Variants in NXPH1 observed in about 807,000 individuals in gnomAD.
NXPH1 encodes the protein neurexophilin-1.
Under a neutral mutation model 23.7 loss-of-function variants are expected in NXPH1, and 5 were observed. The observed-to-expected ratio is 0.21, with a 90% confidence interval of 0.11 to 0.44. NXPH1 has a LOEUF of 0.44. Among genes scored for constraint, NXPH1 ranks in the 20% least tolerant of loss-of-function variants. The pLI is 0.99. For missense variants in NXPH1, 324 were observed against 321.6 expected, an observed-to-expected ratio of 1.01 and a Z score of -0.06; for synonymous variants, 144 against 122.2, an observed-to-expected ratio of 1.18 and a Z score of -1.18.
At chr7:8,733,354 T>C (rs1006638061) in intron 2 of NXPH1, among the ~76,000 whole-genome samples, 1 of 152,208 alleles carries the variant, frequency 6.6e-6, no homozygotes. Context: ...TGTATGTGTC[T>C]TTATAGTAGG....
chr7:8,550,920 C>A (rs1189600999), intron 2 of NXPH1, among the ~76,000 whole-genome samples: 4 of 151,434 alleles, frequency 2.6e-5, no homozygotes, highest in African/African-American at 9.7e-5. Flanking sequence ...CAGATGTTTT[C>A]AATTTTGAAC....
intron 2 of NXPH1, among the ~76,000 whole-genome samples, chr7:8,669,485 C>T (rs888765288): frequency 1.3e-5 from 2 of 152,292 alleles, no homozygotes; most frequent in South Asian, 2.1e-4. Context: ...AGGAACTCAA[C>T]TGGTTTTGGC....
chr7:8,625,720 G>C lies in NXPH1; in HGVS notation c.55-125288G>C, dbSNP rs557092172. Among the ~76,000 whole-genome samples the C allele has an allele frequency of 3.5e-4, 53 of 152,148 alleles. 1 individual carries two copies. Among genetic ancestry groups the C allele is most frequent in the African/African-American group, 1.3e-3 (52 of 41,522 alleles). On this transcript the variant is annotated intron_variant, in intron 2 of 2. Coordinates refer to ENST00000405863, the MANE Select transcript of NXPH1 (RefSeq NM_152745.3). The stretch of plus-strand genomic sequence containing the variant: ...ACCAGTTTTCTTAACAAAGCTTTCA[G>C]ATCTTTGTTATCACACAAAGAGATA...
intron 2 of NXPH1, among the ~76,000 whole-genome samples, chr7:8,633,074 A>G (rs570582993): frequency 6.6e-6 from 1 of 152,242 alleles, no homozygotes; most frequent in African/African-American, 2.4e-5. Context: ...GTGCTTCTAC[A>G]TGCAACCAAA....
At chr7:8,516,516 AGATATCACCTGGTGCTCAAG>A (rs1345376959) in intron 2 of NXPH1, among the ~76,000 whole-genome samples, 1 of 152,196 alleles carries the variant, frequency 6.6e-6, no homozygotes, top group African/African-American at 2.4e-5. Context: ...GAAAGTCTTC[AGATATCACCTGGTGCTCAAG>A]GATATCTTGA....
At chr7:8,739,237 C>G (rs1440357642) in intron 2 of NXPH1, among the ~76,000 whole-genome samples, 1 of 147,484 alleles carries the variant, frequency 6.8e-6, no homozygotes, top group Admixed American at 6.8e-5. Flanking sequence ...GCCCAAATGG[C>G]CACCCAGTTC....
chr7:8,480,917 A>AT (rs1010144877), intron 2 of NXPH1, among the ~76,000 whole-genome samples: 1 of 152,122 alleles, frequency 6.6e-6, no homozygotes, highest in Non-Finnish European at 1.5e-5. Flanking sequence ...TAAAGGTATT[A>AT]TTTTTTCATT....
At chr7:8,703,449 AT>A (rs1195042705) in intron 2 of NXPH1, among the ~76,000 whole-genome samples, 2 of 152,106 alleles carry the variant, frequency 1.3e-5, no homozygotes, top group African/African-American at 4.8e-5. Flanking sequence ...GCATAATGGT[AT>A]GCTTGTTATC....
chr7:8,435,788 G>A lies in NXPH1; in HGVS notation c.54+21G>A. ...ACTTGGTAAGTCTTGGAAGGTTCGGGGCTTTCGCATTTTTACCCCGGCCGG... is the reference window on the plus strand; with the variant it reads ...ACTTGGTAAGTCTTGGAAGGTTCGGAGCTTTCGCATTTTTACCCCGGCCGG... On this transcript the variant is annotated intron_variant, in intron 2 of 2. Transcript: ENST00000405863. The surrounding 1 kb of genome is among the most constrained non-coding windows in gnomAD (Gnocchi z 5.9). The A allele has an allele frequency of 6.2e-7, 1 of 1,613,488 alleles. No individual in the cohort carries two copies. The highest frequency in any genetic ancestry group is 8.5e-7 in the Non-Finnish European group (1 of 1,179,502).
intron 2 of NXPH1, among the ~76,000 whole-genome samples, chr7:8,681,967 A>G (rs1424429679): frequency 6.6e-6 from 1 of 152,198 alleles, no homozygotes; most frequent in Non-Finnish European, 1.5e-5. Context: ...AGAAGTCCTC[A>G]GGGCAATTAT....
At chr7:8,699,931 C>G (rs1307171321) in intron 2 of NXPH1, among the ~76,000 whole-genome samples, 1 of 152,116 alleles carries the variant, frequency 6.6e-6, no homozygotes, top group Non-Finnish European at 1.5e-5. Context: ...ATTAATTACA[C>G]TGCCTGTGGT....
At chr7:8,541,898 T>A (rs1818123570) in intron 2 of NXPH1, among the ~76,000 whole-genome samples, 1 of 151,482 alleles carries the variant, frequency 6.6e-6, no homozygotes. Flanking sequence ...GTAACAAAAA[T>A]ATTTAGTTAA....
intron 2 of NXPH1, among the ~76,000 whole-genome samples, chr7:8,542,718 C>T (rs1818138709): frequency 6.6e-6 from 1 of 151,456 alleles, no homozygotes; most frequent in East Asian, 1.9e-4. Context: ...AAGTGAAAGT[C>T]TCCTTTGATT....
intron 2 of NXPH1, among the ~76,000 whole-genome samples, chr7:8,648,990 CT>C (rs59235477): frequency 4.1e-4 from 62 of 149,404 alleles, no homozygotes; most frequent in South Asian, 2.1e-3. Flanking sequence ...TAAAAATCTG[CT>C]TTTTTTTTTT....
At chr7:8,726,192 G>A (rs1221956297) in intron 2 of NXPH1, among the ~76,000 whole-genome samples, 1 of 151,854 alleles carries the variant, frequency 6.6e-6, no homozygotes, top group East Asian at 1.9e-4. Context: ...ATTAATACCA[G>A]TGGCTAATAG....
intron 2 of NXPH1, among the ~76,000 whole-genome samples, chr7:8,612,249 C>A (rs1241173209): frequency 1.3e-5 from 2 of 149,928 alleles, no homozygotes; most frequent in African/African-American, 4.9e-5. Context: ...CCCTTCCTTT[C>A]TTCCTACCTT....
chr7:8,494,401 C>A (rs766074846), intron 2 of NXPH1, among the ~76,000 whole-genome samples: 1 of 151,778 alleles, frequency 6.6e-6, no homozygotes, highest in African/African-American at 2.4e-5. Context: ...TTTACTGCTG[C>A]GGGAATTAGG....
chr7:8,491,317 CCAAT>C (rs1817244788), intron 2 of NXPH1, among the ~76,000 whole-genome samples: 1 of 151,962 alleles, frequency 6.6e-6, no homozygotes, highest in South Asian at 2.1e-4. Flanking sequence ...GACTCCATTT[CCAAT>C]CATTTTGCCC....
intron 2 of NXPH1, among the ~76,000 whole-genome samples, chr7:8,651,963 C>G (rs1562443067): frequency 6.6e-6 from 1 of 152,056 alleles, no homozygotes; most frequent in Non-Finnish European, 1.5e-5. Context: ...TTTTTTCTGA[C>G]ACACAGAACA....
Sources: allele counts gnomAD v4.1 joint callset (sites outside exome capture counted in the v4.1 genomes callset), GRCh38; gene constraint gnomAD v4.1.1; non-coding constraint Gnocchi (gnomAD v3.1); transcripts MANE v1.5; gene names NCBI Gene and HGNC (gene_info 2026-07-23, HGNC 2026-07-21).